The following AMPH variants were observed in gnomAD, a reference collection of about 807,000 sequenced individuals.
The protein encoded by AMPH is amphiphysin, also known as amphiphysin (Stiff-Mann syndrome with breast cancer 128kD autoantigen).
A neutral mutation model predicts 99.1 loss-of-function variants in AMPH; 49 were observed. The observed-to-expected ratio is 0.49, with a 90% confidence interval of 0.39 to 0.63. The LOEUF is 0.63. Ranked by LOEUF, AMPH falls within the 20% of genes least tolerant of loss-of-function variation. The pLI is 0.00. For missense variants in AMPH, 759 were observed against 863.4 expected (o/e 0.88, Z 1.52); for synonymous variants, 314 against 317.3 (o/e 0.99, Z 0.11).
chr7:38,604,039 T>C (rs1023562546), intron 1 of AMPH, among the ~76,000 whole-genome samples: 2 of 152,200 alleles, frequency 1.3e-5, no homozygotes, highest in African/African-American at 2.4e-5. Flanking sequence ...TTATATCCTA[T>C]ACTGATTAAG....
intron 11 of AMPH, among the ~76,000 whole-genome samples, chr7:38,448,031 CA>C (rs761244625): frequency 9.9e-5 from 15 of 152,254 alleles, no homozygotes; most frequent in Non-Finnish European, 1.8e-4. Flanking sequence ...CAAGGCCAAT[CA>C]GAAGTTATCT....
chr7:38,559,776 A>C (rs1460896375), intron 1 of AMPH, among the ~76,000 whole-genome samples: 1 of 152,182 alleles, frequency 6.6e-6, no homozygotes, highest in Non-Finnish European at 1.5e-5. Flanking sequence ...CTGGGACTAG[A>C]ATTCCAGATC....
chr7:38,624,217 G>C (rs905081710), intron 1 of AMPH, among the ~76,000 whole-genome samples: 1 of 151,944 alleles, frequency 6.6e-6, no homozygotes, highest in Admixed American at 6.6e-5. Context: ...TTTGGTCCTT[G>C]TCCTCAAGTA....
intron 3 of AMPH, among the ~76,000 whole-genome samples, chr7:38,502,591 A>C (rs62443491): frequency 0.046 from 7,058 of 152,258 alleles, 234 homozygotes; most frequent in Non-Finnish European, 0.069. Context: ...GATGCTAAGC[A>C]AAAATGTTAC....
intron 2 of AMPH, among the ~76,000 whole-genome samples, chr7:38,515,774 T>C (rs1789716361): frequency 2.0e-5 from 3 of 152,228 alleles, no homozygotes; most frequent in African/African-American, 4.8e-5. Flanking sequence ...AGAGACTCAT[T>C]AAATTGTTGT....
Position 38,491,010 on chromosome 7 carries a change from C to T in AMPH, c.396+40G>A, listed in dbSNP as rs116429253. The T allele has an allele frequency of 1.4e-3, 1,881 of 1,325,336 alleles. 22 individuals are homozygous for T. In the African/African-American group the frequency reaches 0.024, roughly 17 times the overall value. The allele number at this position is 1,325,336 out of a possible 1,614,324, so 82.1% of individuals were successfully genotyped here. ...GCCCATGTTTCAATAACTACATGAC[C>T]CCACTCAATCCTTCCCTTTATAGAC... is the stretch of plus-strand genomic sequence containing the variant. On this transcript the variant is annotated intron_variant, in intron 5 of 20. Transcript: ENST00000356264.
At chr7:38,569,359 A>G (rs1044241195) in intron 1 of AMPH, among the ~76,000 whole-genome samples, 90 of 152,214 alleles carry the variant, frequency 5.9e-4, no homozygotes, top group African/African-American at 2.0e-3. Context: ...ATAATTTCTA[A>G]TGATAGCTAG....
chr7:38,585,908 C>G (rs1011066906), intron 1 of AMPH, among the ~76,000 whole-genome samples: 2 of 152,180 alleles, frequency 1.3e-5, no homozygotes, highest in Admixed American at 6.5e-5. Flanking sequence ...ATCCTTAAAC[C>G]AGGGGATAGT....
chr7:38,578,923 T>C (rs1792345627), intron 1 of AMPH, among the ~76,000 whole-genome samples: 1 of 152,250 alleles, frequency 6.6e-6, no homozygotes. Context: ...TAGATTCTTT[T>C]ATTTACTTCT....
chr7:38,412,594 G>A (rs1785246418), intron 17 of AMPH, among the ~76,000 whole-genome samples: 1 of 152,164 alleles, frequency 6.6e-6, no homozygotes, highest in Non-Finnish European at 1.5e-5. Flanking sequence ...TGAGGTTGGG[G>A]GAACTGATCA....
intron 1 of AMPH, among the ~76,000 whole-genome samples, chr7:38,602,023 C>A (rs1008684973): frequency 1.3e-5 from 2 of 152,166 alleles, no homozygotes; most frequent in African/African-American, 2.4e-5. Context: ...GATCTAAACG[C>A]CCTAAGGAAG....
chr7:38,554,984 G>A (rs1397912567), intron 1 of AMPH, among the ~76,000 whole-genome samples: 1 of 152,190 alleles, frequency 6.6e-6, no homozygotes, highest in Non-Finnish European at 1.5e-5. Flanking sequence ...AATTATACCT[G>A]TCCCCAGAAG....
At chr7:38,491,492 G>A (rs946520792) in intron 4 of AMPH, among the ~76,000 whole-genome samples, 4 of 152,090 alleles carry the variant, frequency 2.6e-5, no homozygotes, top group Non-Finnish European at 4.4e-5. Flanking sequence ...TGCTTTTGAC[G>A]CACTCCATGA....
At chr7:38,620,544 T>TACACACACACACAC (rs1348103863) in intron 1 of AMPH, among the ~76,000 whole-genome samples, 1 of 111,144 alleles carries the variant, frequency 9.0e-6, no homozygotes, top group Non-Finnish European at 1.9e-5. Context: ...TATATATACA[T>TACACACACACACAC]ACATACACAC....
chr7:38,559,024 G>A (rs1023290522), intron 1 of AMPH, among the ~76,000 whole-genome samples: 17 of 152,226 alleles, frequency 1.1e-4, no homozygotes, highest in African/African-American at 3.9e-4. Flanking sequence ...TCCAAGAACA[G>A]TTCATTTAAT....
Position 38,428,687 on chromosome 7 carries a change from G to C in AMPH, c.1182+1155C>G, listed in dbSNP as rs771418232. ...AGTAGGTCTGGAGAGATGGATTCAA[G>C]ATATCTGGGTGATTGGCAGGTTTGG... On this transcript the variant is annotated intron_variant, in intron 14 of 20. Coordinates refer to ENST00000356264, the MANE Select transcript of AMPH (RefSeq NM_001635.4). 2.8e-5 allele frequency: 13 copies of C among 456,560 alleles called. 1 individual carries two copies. Among genetic ancestry groups the C allele is most frequent in the South Asian group, 2.0e-4 (13 of 64,560 alleles). 28.3% of individuals were successfully genotyped at this position (456,560 alleles called of 1,614,324 possible). A position where few individuals can be genotyped will look rare whatever the true frequency, so the allele number is the denominator to read the frequency against.
intron 3 of AMPH, among the ~76,000 whole-genome samples, chr7:38,502,865 G>A (rs1789191501): frequency 6.6e-6 from 1 of 152,196 alleles, no homozygotes; most frequent in African/African-American, 2.4e-5. Flanking sequence ...AGGAAGGAGG[G>A]AGTAAAGCGT....
intron 7 of AMPH, among the ~76,000 whole-genome samples, chr7:38,469,149 G>A (rs71548614): frequency 1.7e-4 from 6 of 35,064 alleles, no homozygotes; most frequent in Non-Finnish European, 2.5e-4. Flanking sequence ...GCGAGACTCC[G>A]CCTCAAAAAA....
chr7:38,404,875 T>C (rs916088240), intron 17 of AMPH, among the ~76,000 whole-genome samples: 1 of 152,126 alleles, frequency 6.6e-6, no homozygotes, highest in African/African-American at 2.4e-5. Context: ...GGAGGTACTA[T>C]ATGAGATTAA....
Sources: gnomAD v4.1 joint callset for allele counts (sites outside exome capture counted in the v4.1 genomes callset) on GRCh38, gnomAD v4.1.1 for gene constraint, MANE v1.5 for transcripts, NCBI Gene and HGNC (gene_info 2026-07-23, HGNC 2026-07-21) for gene names.